The following NR6A1 variants were observed in gnomAD, a reference collection of about 807,000 sequenced individuals.
NR6A1 encodes the protein nuclear receptor subfamily 6 group A member 1.
NR6A1 carries 7 observed loss-of-function variants against 59.1 expected under a neutral mutation model. The ratio of observed to expected loss-of-function variants is 0.12; its 90% CI spans 0.07 to 0.22. NR6A1 has a LOEUF of 0.22. NR6A1 is among the 10% of genes least tolerant of loss of function. The pLI is 1.00. For missense variants in NR6A1, 468 were observed against 611.6 expected (o/e 0.77, Z 2.48); for synonymous variants, 243 against 236.1 (o/e 1.03, Z -0.27).
intron 2 of NR6A1, among the ~76,000 whole-genome samples, chr9:124,714,928 G>A (rs1040964540): frequency 3.9e-5 from 6 of 152,192 alleles, no homozygotes; most frequent in South Asian, 2.1e-4. Flanking sequence ...GGCTGGGCAC[G>A]GTGACTCATG....
chr9:124,683,132 G>T (rs892666486), intron 2 of NR6A1, among the ~76,000 whole-genome samples: 3 of 152,076 alleles, frequency 2.0e-5, no homozygotes, highest in African/African-American at 7.2e-5. Flanking sequence ...AGCTCAGGAG[G>T]TTGAGGCTGC....
intron 2 of NR6A1, among the ~76,000 whole-genome samples, chr9:124,572,061 G>C (rs377234815): frequency 6.6e-6 from 1 of 152,134 alleles, no homozygotes; most frequent in African/African-American, 2.4e-5. Flanking sequence ...GGAAGTCAAG[G>C]AAACAAAGAG....
At chr9:124,668,834 T>A (rs1837704547) in intron 2 of NR6A1, among the ~76,000 whole-genome samples, 1 of 152,224 alleles carries the variant, frequency 6.6e-6, no homozygotes, top group South Asian at 2.1e-4. Flanking sequence ...ACTGACAGTA[T>A]CTGTCTCATC....
intron 2 of NR6A1, among the ~76,000 whole-genome samples, chr9:124,671,089 G>A (rs1837781680): frequency 6.6e-6 from 1 of 152,168 alleles, no homozygotes; most frequent in African/African-American, 2.4e-5. Context: ...AAGTAGAATG[G>A]TGATTACCAG....
chr9:124,554,230 A>G, intron 3 of NR6A1, 98 bp downstream of exon 3: 2 of 1,560,482 alleles, frequency 1.3e-6, no homozygotes, highest in Admixed American at 3.4e-5. Context: ...AAGGCCTGAT[A>G]TGTAGTGCAA....
At chr9:124,537,484 G>C (rs1375516031) in intron 6 of NR6A1, among the ~76,000 whole-genome samples, 3 of 152,134 alleles carry the variant, frequency 2.0e-5, no homozygotes, top group Non-Finnish European at 4.4e-5. Context: ...AGAAATCTCA[G>C]GATACCTTCC....
At position 124,558,477 on chromosome 9, in the gene NR6A1, T is replaced by C. The variant is rs137902772; in HGVS notation, c.143-3907A>G. Among the ~76,000 whole-genome samples, 45 of 152,184 alleles carry C rather than the reference T, an allele frequency of 3.0e-4. No individual in the cohort carries two copies. In the East Asian group the frequency reaches 7.7e-3, roughly 26 times the overall value. ...AAAGGCTCTCTCCAGATCAATCTAG[T>C]AGCCCTTCAAAGAAGCATTTGGAAA... On this transcript the variant is annotated intron_variant, in intron 2 of 9. Coordinates refer to ENST00000487099, the MANE Select transcript of NR6A1 (RefSeq NM_033334.4).
chr9:124,713,527 G>T (rs1462101772), intron 2 of NR6A1, among the ~76,000 whole-genome samples: 1 of 152,068 alleles, frequency 6.6e-6, no homozygotes, highest in Non-Finnish European at 1.5e-5. Context: ...AACACAGAAA[G>T]AACTCGTATA....
intron 2 of NR6A1, among the ~76,000 whole-genome samples, chr9:124,672,918 C>G (rs1837839553): frequency 1.3e-5 from 2 of 151,878 alleles, no homozygotes; most frequent in South Asian, 4.1e-4. Flanking sequence ...TCTAGAATGA[C>G]AGAAAAATAA....
chr9:124,601,052 G>A (rs951100972), intron 2 of NR6A1, among the ~76,000 whole-genome samples: 1 of 151,662 alleles, frequency 6.6e-6, no homozygotes, highest in African/African-American at 2.4e-5. Flanking sequence ...AAGGCGGGTG[G>A]ATTACCTGAG....
intron 2 of NR6A1, among the ~76,000 whole-genome samples, chr9:124,578,443 C>T (rs979534755): frequency 1.3e-5 from 2 of 152,156 alleles, no homozygotes; most frequent in Non-Finnish European, 2.9e-5. Flanking sequence ...AACCAAAATC[C>T]ATTAGTTATT....
chr9:124,656,151 C>T (rs1417757719), intron 2 of NR6A1, among the ~76,000 whole-genome samples: 1 of 152,114 alleles, frequency 6.6e-6, no homozygotes, highest in Non-Finnish European at 1.5e-5. Context: ...TCCTTCTTCT[C>T]TCTCTTGCCT....
chr9:124,728,754 T>C (rs1839800570), intron 2 of NR6A1, among the ~76,000 whole-genome samples: 2 of 152,142 alleles, frequency 1.3e-5, no homozygotes, highest in African/African-American at 4.8e-5. Context: ...GTTCACAGGG[T>C]TTGGAAGAGT....
chr9:124,743,093 C>T (rs911142899), intron 1 of NR6A1, among the ~76,000 whole-genome samples: 1 of 152,146 alleles, frequency 6.6e-6, no homozygotes, highest in African/African-American at 2.4e-5. Context: ...TGGGAAGTAA[C>T]AAACATGAAC....
chr9:124,695,560 T>C (rs1358895265), intron 2 of NR6A1, among the ~76,000 whole-genome samples: 1 of 152,006 alleles, frequency 6.6e-6, no homozygotes, highest in Non-Finnish European at 1.5e-5. Flanking sequence ...AATGTGTTTT[T>C]AGTAGAGCCA....
chr9:124,626,949 T>C (rs988768242), intron 2 of NR6A1, among the ~76,000 whole-genome samples: 2 of 151,990 alleles, frequency 1.3e-5, no homozygotes, highest in African/African-American at 2.4e-5. Context: ...ATAAAAATAA[T>C]GGAGCTTCAG....
At position 124,564,681 on chromosome 9, in the gene NR6A1, C is replaced by CTGTGTGTGTGTGTGTGTGTGTGTGTG. The variant is rs56301413; in HGVS notation, c.143-10137_143-10112dup. 1.0e-3 allele frequency among the ~76,000 whole-genome samples: 153 copies of CTGTGTGTGTGTGTGTGTGTGTGTGTG among 149,392 alleles called. 1 individual carries two copies. The highest frequency in any genetic ancestry group is 3.7e-3 in the African/African-American group (151 of 40,774). ...TAAGGTCCCATTCAAAATCCACACT[C>CTGTGTGTGTGTGTGTGTGTGTGTGTG]TGTGTGTGTGTGTGTGTGTGTGTGT... On this transcript the variant is annotated intron_variant, in intron 2 of 9. Coordinates refer to ENST00000487099, the MANE Select transcript of NR6A1 (RefSeq NM_033334.4).
At chr9:124,528,228 A>G (rs1415186479) in intron 7 of NR6A1, among the ~76,000 whole-genome samples, 1 of 152,184 alleles carries the variant, frequency 6.6e-6, no homozygotes, top group East Asian at 1.9e-4. Flanking sequence ...GCTTGGGGAA[A>G]GCCTGGCTCT....
chr9:124,588,775 C>T (rs1588690566), intron 2 of NR6A1, among the ~76,000 whole-genome samples: 1 of 149,440 alleles, frequency 6.7e-6, no homozygotes, highest in East Asian at 2.1e-4. Context: ...AAAAAATTAG[C>T]GGGGAATGGT....
Sources: allele counts gnomAD v4.1 joint callset (sites outside exome capture counted in the v4.1 genomes callset), GRCh38; gene constraint gnomAD v4.1.1; transcripts MANE v1.5; gene names NCBI Gene and HGNC (gene_info 2026-07-23, HGNC 2026-07-21).